COL20A1: variants seen among roughly 807,000 people sequenced by gnomAD.
COL20A1 encodes the protein collagen alpha-1(XX) chain.
In COL20A1, 164 loss-of-function variants were observed where a neutral mutation model predicts 152.9. That is an observed-to-expected ratio of 1.07 (90% CI 0.94 to 1.22). COL20A1 has a LOEUF of 1.22. Ranked by LOEUF, COL20A1 falls within the 50% of genes most tolerant of loss-of-function variation. The pLI is 0.00. For missense variants in COL20A1, 1,873 were observed against 1,744.8 expected, an observed-to-expected ratio of 1.07 and a Z score of -1.31; for synonymous variants, 864 against 756.0, an observed-to-expected ratio of 1.14 and a Z score of -2.34.
chr20:63,319,497 GT>G lies in COL20A1; in HGVS notation c.2818del (p.Ser940ProfsTer2). The G allele has an allele frequency of 2.5e-6, 4 of 1,579,986 alleles. No homozygotes were observed. The highest frequency in any genetic ancestry group is 3.4e-6 in the Non-Finnish European group (4 of 1,163,704). On this transcript the variant is annotated frameshift_variant, in exon 23 of 36. Transcript: ENST00000358894. LOFTEE classifies it high-confidence loss of function. This position sits in a 1 kb window ranked among gnomAD's most constrained non-coding sequence, Gnocchi z 4.4. ...CCCCTTCCCTGGCAGCCGGGAAGAA[GT>G]CCCTGACCTACTTCCACCGTGACCC... is the stretch of plus-strand genomic sequence containing the variant. ...LGVLLDAGKK[S>X]LTYFHRDPRA...
At chr20:63,298,207 G>A (rs530855236) in intron 3 of COL20A1, among the ~76,000 whole-genome samples, 187 bp downstream of exon 3, 1 of 152,362 alleles carries the variant, frequency 6.6e-6, no homozygotes, top group East Asian at 1.9e-4. Context: ...CATGGAAGAG[G>A]GAATGGGGCT....
In COL20A1 at chr20:63,305,824, C is replaced by G. The variant is rs2067917445; in HGVS notation, c.338-57C>G. On this transcript the variant is annotated intron_variant, in intron 4 of 35. Transcript: ENST00000358894. This position sits in a 1 kb window ranked among gnomAD's most constrained non-coding sequence, Gnocchi z 4.9. ...CCTTGAAGGGGTGTATGTGCAGCTG[C>G]CCCAGTGGACCAGGCCCTCCACTCC... 10 of 1,551,758 alleles carry G rather than the reference C, an allele frequency of 6.4e-6. No homozygotes were observed. The highest frequency in any genetic ancestry group is 8.9e-6 in the Non-Finnish European group (10 of 1,126,730).
intron 27 of COL20A1, among the ~76,000 whole-genome samples, chr20:63,323,550 G>T (rs551761768): frequency 2.0e-5 from 3 of 152,176 alleles, no homozygotes; most frequent in Non-Finnish European, 2.9e-5. Flanking sequence ...CAGAGGACGG[G>T]GAGGACTCCA....
In COL20A1 at chr20:63,295,303, C is replaced by T. The variant is rs1340555359; in HGVS notation, c.82+114C>T. On this transcript the variant is annotated intron_variant, in intron 2 of 35. Transcript: ENST00000358894. ...CCCCGTCTTCCTCCTAAGTTGAATGCGTGCTGAATTCACAGCAGCTCCCAC... is the reference window on the plus strand; with the variant it reads ...CCCCGTCTTCCTCCTAAGTTGAATGTGTGCTGAATTCACAGCAGCTCCCAC... The T allele has an allele frequency of 1.2e-4, 79 of 673,528 alleles. 1 individual carries two copies. The highest frequency in any genetic ancestry group is 1.1e-3 in the South Asian group (60 of 53,292). 41.7% of individuals were successfully genotyped at this position (673,528 alleles called of 1,614,324 possible).
chr20:63,313,594 G>A lies in COL20A1; in HGVS notation c.2210-149G>A. On this transcript the variant is annotated intron_variant, in intron 17 of 35. Coordinates refer to ENST00000358894, the MANE Select transcript of COL20A1 (RefSeq NM_020882.4). The surrounding 1 kb of genome is among the most constrained non-coding windows in gnomAD (Gnocchi z 5.9). ...AGGGGTGTGGTGTGGTTGTGCCAGG[G>A]GGGTGATGCGGGCTGTGGTAGGGGT... 1.3e-6 allele frequency: 1 copy of A among 773,300 alleles called. No individual in the cohort carries two copies. 47.9% of individuals were successfully genotyped at this position (773,300 alleles called of 1,614,324 possible).
chr20:63,322,628 C>G (rs1375191963), intron 27 of COL20A1, among the ~76,000 whole-genome samples: 2 of 152,236 alleles, frequency 1.3e-5, no homozygotes, highest in African/African-American at 2.4e-5. Flanking sequence ...TTGAAGACAG[C>G]GCGCCCAGCG....
chr20:63,297,061 C>T (rs1047406982), intron 2 of COL20A1, among the ~76,000 whole-genome samples: 4 of 152,236 alleles, frequency 2.6e-5, no homozygotes, highest in Non-Finnish European at 5.9e-5. Flanking sequence ...CGGGAGGCAG[C>T]CTCGTCTTGG....
intron 1 of COL20A1, among the ~76,000 whole-genome samples, chr20:63,294,549 C>A (rs1231221832): frequency 1.3e-5 from 2 of 152,036 alleles, no homozygotes; most frequent in Non-Finnish European, 2.9e-5. Context: ...ACACCCTGCA[C>A]CCCCGGCTGG....
intron 21 of COL20A1, among the ~76,000 whole-genome samples, 167 bp from the exon 22 acceptor site, chr20:63,318,891 G>A (rs1210067998): frequency 2.6e-5 from 4 of 151,934 alleles, no homozygotes; most frequent in South Asian, 2.1e-4. Context: ...CGGCCTCCAC[G>A]CTCAGTCTAC....
At chr20:63,316,763 G>C (rs745476612) in intron 21 of COL20A1, 72 bp downstream of exon 21, 234 of 1,401,754 alleles carry the variant, frequency 1.7e-4, no homozygotes, top group Admixed American at 2.1e-4. Flanking sequence ...GGACATGGTG[G>C]GGGGGCGGGC....
chr20:63,320,937 G>A, intron 25 of COL20A1, 76 bp from the exon 26 acceptor site: 1 of 1,155,152 alleles, frequency 8.7e-7, no homozygotes. Context: ...AGGTGTCATT[G>A]GCTAATCTCA....
At position 63,313,233 on chromosome 20, in the gene COL20A1, C is replaced by T. The variant is rs750952733; in HGVS notation, c.2193C>T (p.Ser731=). The change falls in exon 17 of 36, where the codon TCC becomes TCT. Residue 731 remains serine, a synonymous_variant. Transcript: ENST00000358894. This position sits in a 1 kb window ranked among gnomAD's most constrained non-coding sequence, Gnocchi z 5.9. ...ACGGGGCCCGCAGTGACCCTGTGTC[C>T]CTCCGCTATACCCCCTGTAGGTGCC... The part of the protein sequence containing the change: ...YRDGARSDPV[S]LRYTPSTVSR... 1 of 1,611,214 alleles carries T rather than the reference C, an allele frequency of 6.2e-7. No homozygotes were observed. Among genetic ancestry groups the T allele is most frequent in the African/African-American group, 1.3e-5 (1 of 74,884 alleles).
chr20:63,328,114 TG>T lies in COL20A1; in HGVS notation c.3601del (p.Val1201Ter), dbSNP rs1353002097. 14 of 1,613,056 alleles carry T rather than the reference TG, an allele frequency of 8.7e-6. No homozygotes were observed. Among genetic ancestry groups the T allele is most frequent in the Non-Finnish European group, 1.0e-5 (12 of 1,179,822 alleles). On this transcript the variant is annotated frameshift_variant, in exon 33 of 36. Coordinates refer to ENST00000358894, the MANE Select transcript of COL20A1 (RefSeq NM_020882.4). LOFTEE classifies it high-confidence loss of function. ...PQSLATLYQLVSQASHVSKFD... is the reference protein window; with the variant it reads ...PQSLATLYQLXSQASHVSKFD... Reference sequence around the variant, plus strand: ...AGTCCCTTGCCACCCTCTACCAGCTTGTGAGCCAGGCCTGTGAGTCTGCCAT... The same window carrying T: ...AGTCCCTTGCCACCCTCTACCAGCTTTGAGCCAGGCCTGTGAGTCTGCCAT...
intron 3 of COL20A1, among the ~76,000 whole-genome samples, chr20:63,302,983 A>C (rs1210700859): frequency 1.3e-5 from 2 of 152,236 alleles, no homozygotes; most frequent in Admixed American, 1.3e-4. Flanking sequence ...AGCTGGCGGT[A>C]CATAATGTCT....
Position 63,308,550 on chromosome 20 carries a change from CT to C in COL20A1, c.785del (p.Leu262ArgfsTer23), listed in dbSNP as rs762905237. On this transcript the variant is annotated frameshift_variant, in exon 8 of 36. Transcript: ENST00000358894. LOFTEE classifies it high-confidence loss of function. ...KGGNTFTGLALTHVLGQNLQP... is the reference protein window; with the variant it reads ...KGGNTFTGLAXTHVLGQNLQP... ...TTCCTGCTGCTCCCAAGGCCTTGCCCTGACCCACGTGCTGGGGCAGAACCTG... is the reference window on the plus strand; with the variant it reads ...TTCCTGCTGCTCCCAAGGCCTTGCCCGACCCACGTGCTGGGGCAGAACCTG... 3.1e-6 allele frequency: 5 copies of C among 1,599,330 alleles called. No homozygotes were observed. In the East Asian group the frequency reaches 9.0e-5, roughly 29 times the overall value.
chr20:63,295,804 C>G (rs745315996), intron 2 of COL20A1, among the ~76,000 whole-genome samples: 19 of 152,258 alleles, frequency 1.2e-4, no homozygotes, highest in African/African-American at 4.6e-4. Flanking sequence ...TTTAGATTGA[C>G]TCTAGGAAGG....
Position 63,313,204 on chromosome 20 carries a change from A to C in COL20A1, c.2164A>C (p.Arg722=). ...CGACGTCACCATCTTGGCCTACTAC[A>C]GGGACGGGGCCCGCAGTGACCCTGT... ...EYDVTILAYY[R]DGARSDPVSL... is the part of the protein sequence containing the mutation. The change falls in exon 17 of 36, where the codon AGG becomes CGG. Residue 722 remains arginine, a synonymous_variant. Coordinates refer to ENST00000358894, the MANE Select transcript of COL20A1 (RefSeq NM_020882.4). The surrounding 1 kb of genome is among the most constrained non-coding windows in gnomAD (Gnocchi z 5.9). The C allele has an allele frequency of 1.2e-6, 2 of 1,612,508 alleles. No homozygotes were observed. The highest frequency in any genetic ancestry group is 1.7e-6 in the Non-Finnish European group (2 of 1,179,704).
rs1479409774 is a variant in COL20A1 at position 63,333,252 on chromosome 20, C to G, written c.*2536C>G. ...GGAGGTGCTTGGTCTTGGCCCAGAG[C>G]TCATGGCCTTAGGTGCTGCCCCCAG... On this transcript the variant is annotated 3_prime_UTR_variant, in exon 36 of 36. Coordinates refer to ENST00000358894, the MANE Select transcript of COL20A1 (RefSeq NM_020882.4). The G allele has an allele frequency of 2.0e-5, 3 of 152,566 alleles. No individual in the cohort carries two copies. The highest frequency in any genetic ancestry group is 7.2e-5 in the African/African-American group (3 of 41,452). 9.5% of individuals were successfully genotyped at this position (152,566 alleles called of 1,614,324 possible).
chr20:63,308,214 C>G lies in COL20A1; in HGVS notation c.775+124C>G. On this transcript the variant is annotated intron_variant, in intron 7 of 35. Transcript: ENST00000358894. Reference sequence around the variant, plus strand: ...GGTGTGGACCTGAGCCCTGTTCACACCTTTATAGAGGGCAGAGTCACCCCC... The same window carrying G: ...GGTGTGGACCTGAGCCCTGTTCACAGCTTTATAGAGGGCAGAGTCACCCCC... The G allele has an allele frequency of 2.5e-6, 3 of 1,195,080 alleles. No individual in the cohort carries two copies. In the East Asian group the frequency reaches 7.7e-5, roughly 31 times the overall value. The allele number at this position is 1,195,080 out of a possible 1,614,324, so 74.0% of individuals were successfully genotyped here. A position where few individuals can be genotyped will look rare whatever the true frequency, so the allele number is the denominator to read the frequency against.
Sources: allele counts gnomAD v4.1 joint callset (sites outside exome capture counted in the v4.1 genomes callset), GRCh38; gene constraint gnomAD v4.1.1; non-coding constraint Gnocchi (gnomAD v3.1); transcripts MANE v1.5; gene names NCBI Gene and HGNC (gene_info 2026-07-23, HGNC 2026-07-21).